Variants in DYM observed in about 807,000 individuals in gnomAD.
DYM encodes the protein dyggve-Melchior-Clausen syndrome protein.
Under a neutral mutation model 93.1 loss-of-function variants are expected in DYM, and 78 were observed. The ratio of observed to expected loss-of-function variants is 0.84; its 90% CI spans 0.70 to 1.01. The LOEUF (loss-of-function observed/expected upper bound fraction) is 1.01. Among genes scored for constraint, DYM ranks in the 50% least tolerant of loss-of-function variants. The pLI is 0.00. For synonymous variants in DYM, 321 were observed against 319.7 expected (o/e 1.00, Z -0.04); for missense variants, 789 against 845.0 (o/e 0.93, Z 0.82).
At chr18:49,427,439 C>T (rs1429515710) in intron 2 of DYM, among the ~76,000 whole-genome samples, 1 of 151,928 alleles carries the variant, frequency 6.6e-6, no homozygotes, top group African/African-American at 2.4e-5. Context: ...AACGTATGCA[C>T]CTTATTTGGC....
intron 10 of DYM, among the ~76,000 whole-genome samples, chr18:49,279,903 A>G (rs1341860616): frequency 2.0e-5 from 3 of 152,210 alleles, no homozygotes; most frequent in African/African-American, 4.8e-5. Context: ...AATACATTCA[A>G]TGAATTCTAG....
At chr18:49,098,905 C>A (rs2079838217) in intron 16 of DYM, among the ~76,000 whole-genome samples, 1 of 152,042 alleles carries the variant, frequency 6.6e-6, no homozygotes, top group Admixed American at 6.6e-5. Context: ...AAATATGCAA[C>A]AATGAATACA....
chr18:49,435,984 C>G lies in DYM; in HGVS notation c.-53-5537G>C, dbSNP rs376516892. Among the ~76,000 whole-genome samples, 17 of 152,192 alleles carry G rather than the reference C, an allele frequency of 1.1e-4. 1 individual carries two copies. Among genetic ancestry groups the G allele is most frequent in the African/African-American group, 3.9e-4 (16 of 41,544 alleles). On this transcript the variant is annotated intron_variant, in intron 1 of 17. Transcript: ENST00000675505. ...ACTCGGTGTCCTATTACAGAATGTT[C>G]TTTCACTTAGACTAGTTTTCCAAAA...
Position 49,065,973 on chromosome 18 carries a change from T to C in DYM, c.2026-21769A>G, listed in dbSNP as rs142985503. The stretch of plus-strand genomic sequence containing the variant: ...TAACATTTCTATCACTTACCATAGT[T>C]TGTTCACTTTTTAAGTAAAGGAGCC... On this transcript the variant is annotated intron_variant, in intron 17 of 17. Transcript: ENST00000675505. Among the ~76,000 whole-genome samples the C allele has an allele frequency of 7.9e-5, 12 of 152,244 alleles. 1 individual carries two copies. In the East Asian group the frequency reaches 1.9e-3, roughly 25 times the overall value.
intron 5 of DYM, among the ~76,000 whole-genome samples, chr18:49,364,453 AAAAGAAAG>A (rs915274136): frequency 5.3e-5 from 8 of 151,956 alleles, no homozygotes; most frequent in African/African-American, 1.7e-4. Context: ...TCAAAAAAAA[AAAAGAAAG>A]AAAGAAAGAA....
At chr18:49,393,007 AG>A (rs1279450176) in intron 2 of DYM, among the ~76,000 whole-genome samples, 241 of 112,806 alleles carry the variant, frequency 2.1e-3, no homozygotes, top group East Asian at 9.2e-3. Flanking sequence ...AAAAAAAAAA[AG>A]AAGAAGAAGA....
intron 16 of DYM, among the ~76,000 whole-genome samples, chr18:49,106,705 C>A (rs1341484783): frequency 1.3e-5 from 2 of 152,188 alleles, no homozygotes; most frequent in East Asian, 3.9e-4. Flanking sequence ...GTTGAAAATT[C>A]TTTTCTTTAA....
At chr18:49,393,007 A>G (rs189577073) in intron 2 of DYM, among the ~76,000 whole-genome samples, 1,251 of 113,022 alleles carry the variant, frequency 0.011, 29 homozygotes, top group Non-Finnish European at 0.018. Context: ...AAAAAAAAAA[A>G]GAAGAAGAAG....
intron 14 of DYM, among the ~76,000 whole-genome samples, chr18:49,176,352 A>G (rs965316364): frequency 2.0e-5 from 3 of 152,116 alleles, no homozygotes; most frequent in Non-Finnish European, 4.4e-5. Flanking sequence ...AATTATTTTC[A>G]TTTTCCACAA....
chr18:49,151,150 A>G (rs1162600546), intron 15 of DYM, among the ~76,000 whole-genome samples: 1 of 152,168 alleles, frequency 6.6e-6, no homozygotes, highest in Non-Finnish European at 1.5e-5. Context: ...ATTAAGAAAC[A>G]ATTTAGGACT....
At chr18:49,365,256 G>A (rs1220087374) in intron 5 of DYM, among the ~76,000 whole-genome samples, 1 of 152,078 alleles carries the variant, frequency 6.6e-6, no homozygotes, top group Non-Finnish European at 1.5e-5. Context: ...CAAAGAACTG[G>A]CACAGTAACC....
intron 16 of DYM, among the ~76,000 whole-genome samples, chr18:49,107,559 G>A (rs1263855016): frequency 2.6e-5 from 4 of 152,148 alleles, no homozygotes; most frequent in Non-Finnish European, 5.9e-5. Context: ...GGTCTTTGAT[G>A]ATGGTCATGT....
At chr18:49,340,312 T>TA (rs987194792) in intron 6 of DYM, among the ~76,000 whole-genome samples, 1 of 152,026 alleles carries the variant, frequency 6.6e-6, no homozygotes, top group Non-Finnish European at 1.5e-5. Context: ...AAGTAACTCT[T>TA]AAAAACAGTT....
At chr18:49,067,130 T>C (rs201591507) in intron 17 of DYM, among the ~76,000 whole-genome samples, 37 of 106,512 alleles carry the variant, frequency 3.5e-4, no homozygotes, top group East Asian at 8.2e-4. Flanking sequence ...ATGTGAGTGT[T>C]ATGGAGGTTC....
At position 49,422,333 on chromosome 18, in the gene DYM, A is replaced by G. The variant is rs375077366; in HGVS notation, c.140+7922T>C. On this transcript the variant is annotated intron_variant, in intron 2 of 17. Coordinates refer to ENST00000675505, the MANE Select transcript of DYM (RefSeq NM_001353214.3). ...CGGCAGAAACTCTACAAGCCAGAAG[A>G]GAGTGGGGGACAATAGTCAACATTC... Among the ~76,000 whole-genome samples, 66 of 152,364 alleles carry G rather than the reference A, an allele frequency of 4.3e-4. 1 individual carries two copies. The South Asian group carries it at 0.013, about 31-fold the overall frequency.
intron 8 of DYM, among the ~76,000 whole-genome samples, chr18:49,300,987 CAAACCTT>C (rs2060895433): frequency 2.0e-5 from 3 of 152,100 alleles, no homozygotes; most frequent in Admixed American, 2.0e-4. Flanking sequence ...CACGGTGCCT[CAAACCTT>C]AAAGTTAGCA....
chr18:49,043,634 CA>C lies in DYM; in HGVS notation c.*420del, dbSNP rs2144045350. The C allele has an allele frequency of 5.9e-6, 1 of 169,378 alleles. No homozygotes were observed. The highest frequency in any genetic ancestry group is 2.4e-5 in the African/African-American group (1 of 41,826). 10.5% of individuals were successfully genotyped at this position (169,378 alleles called of 1,614,324 possible). A position where few individuals can be genotyped will look rare whatever the true frequency, so the allele number is the denominator to read the frequency against. On this transcript the variant is annotated 3_prime_UTR_variant, in exon 18 of 18. Coordinates refer to ENST00000675505, the MANE Select transcript of DYM (RefSeq NM_001353214.3). ...TCTCTCTCTCACACACACATAAGAC[CA>C]AAACAAATATCTTGAACATGCAAAA...
chr18:49,421,349 G>A (rs187346714), intron 2 of DYM, among the ~76,000 whole-genome samples: 127 of 152,208 alleles, frequency 8.3e-4, no homozygotes, highest in East Asian at 3.1e-3. Flanking sequence ...CAATATTTAC[G>A]GTTCTGCAGC....
rs142109303 is a variant in DYM, at chr18:49,045,325, C to A, written c.2026-1121G>T. Among the ~76,000 whole-genome samples the A allele has an allele frequency of 1.8e-3, 269 of 152,336 alleles. 1 individual carries two copies. Among genetic ancestry groups the A allele is most frequent in the African/African-American group, 5.8e-3 (241 of 41,562 alleles). ...AGGTTTTTATCTGTTTTGTCAGGTGCTGCATCCCCAAGGATATTAGCCAGG... is the reference window on the plus strand; with the variant it reads ...AGGTTTTTATCTGTTTTGTCAGGTGATGCATCCCCAAGGATATTAGCCAGG... On this transcript the variant is annotated intron_variant, in intron 17 of 17. Transcript: ENST00000675505.
Sources: gnomAD v4.1 joint callset for allele counts (sites outside exome capture counted in the v4.1 genomes callset) on GRCh38, gnomAD v4.1.1 for gene constraint, MANE v1.5 for transcripts, NCBI Gene and HGNC (gene_info 2026-07-23, HGNC 2026-07-21) for gene names.